Variants in ATXN7L1 observed in about 807,000 individuals in gnomAD.
ATXN7L1 encodes ataxin-7-like protein 1.
In ATXN7L1, 15 loss-of-function variants were observed where a neutral mutation model predicts 70.8. The observed-to-expected ratio is 0.21, with a 90% CI of 0.14 to 0.33. The LOEUF (loss-of-function observed/expected upper bound fraction) is 0.33, where lower values mean the gene tolerates loss of function less well. Among genes scored for constraint, ATXN7L1 ranks in the 10% least tolerant of loss-of-function variants. The pLI, the probability that ATXN7L1 is intolerant of heterozygous loss-of-function variation, is 1.00. For missense variants in ATXN7L1, 975 were observed against 1,097.1 expected (o/e 0.89, Z 1.57); for synonymous variants, 440 against 445.1 (o/e 0.99, Z 0.14).
intron 9 of ATXN7L1, among the ~76,000 whole-genome samples, chr7:105,615,018 A>T (rs1464137166): frequency 6.6e-6 from 1 of 151,892 alleles, no homozygotes; most frequent in Non-Finnish European, 1.5e-5. Context: ...CAGCAACCTA[A>T]TTTTCATCAC....
chr7:105,666,205 A>G (rs549415754), intron 3 of ATXN7L1, among the ~76,000 whole-genome samples: 34 of 152,220 alleles, frequency 2.2e-4, no homozygotes, highest in Non-Finnish European at 4.4e-4. Context: ...AACTTTGTAC[A>G]TGATTACAGG....
At chr7:105,869,214 A>G (rs1817899774) in intron 2 of ATXN7L1, among the ~76,000 whole-genome samples, 2 of 152,156 alleles carry the variant, frequency 1.3e-5, no homozygotes, top group South Asian at 4.1e-4. Context: ...GCCAGATAAG[A>G]GAGATGATAA....
At chr7:105,788,437 C>A in intron 3 of ATXN7L1, 167 bp downstream of exon 3, 1 of 604,908 alleles carries the variant, frequency 1.7e-6, no homozygotes. Context: ...AGAAGGACTA[C>A]AGCTCCTAAA....
chr7:105,692,900 CT>C (rs1445765151), intron 3 of ATXN7L1, among the ~76,000 whole-genome samples: 1 of 151,560 alleles, frequency 6.6e-6, no homozygotes, highest in Non-Finnish European at 1.5e-5. Flanking sequence ...ATTTTTAAAT[CT>C]TTTGTAGACA....
chr7:105,739,677 T>C (rs1350626462), intron 3 of ATXN7L1, among the ~76,000 whole-genome samples: 1 of 152,226 alleles, frequency 6.6e-6, no homozygotes, highest in Non-Finnish European at 1.5e-5. Context: ...CAGAGGTTCA[T>C]GAAACTCAGA....
At chr7:105,786,345 G>T (rs1424538420) in intron 3 of ATXN7L1, among the ~76,000 whole-genome samples, 1 of 152,208 alleles carries the variant, frequency 6.6e-6, no homozygotes, top group Non-Finnish European at 1.5e-5. Context: ...GGAGGCAGGT[G>T]TATCAGCTCT....
intron 2 of ATXN7L1, among the ~76,000 whole-genome samples, chr7:105,802,426 C>T (rs910213912): frequency 4.6e-5 from 7 of 152,046 alleles, no homozygotes; most frequent in Admixed American, 2.0e-4. Context: ...CATAAGGAGC[C>T]GTAAGCCCTG....
intron 3 of ATXN7L1, among the ~76,000 whole-genome samples, chr7:105,765,236 A>T (rs1455029517): frequency 6.6e-6 from 1 of 151,228 alleles, no homozygotes; most frequent in East Asian, 2.0e-4. Context: ...CAGGAGGCTG[A>T]GGCAGGAGAA....
chr7:105,832,824 A>C (rs1390081656), intron 2 of ATXN7L1, among the ~76,000 whole-genome samples: 1 of 152,184 alleles, frequency 6.6e-6, no homozygotes, highest in Non-Finnish European at 1.5e-5. Context: ...GAATCTAAGA[A>C]TCTTCCTTGA....
intron 2 of ATXN7L1, among the ~76,000 whole-genome samples, chr7:105,817,152 C>A (rs982472624): frequency 6.6e-6 from 1 of 152,124 alleles, no homozygotes; most frequent in Admixed American, 6.5e-5. Context: ...TGTTTAGAGT[C>A]CCTAATGAGG....
intron 3 of ATXN7L1, among the ~76,000 whole-genome samples, chr7:105,736,236 G>T (rs555395719): frequency 6.6e-6 from 1 of 152,248 alleles, no homozygotes; most frequent in Admixed American, 6.5e-5. Context: ...AATGCATGAG[G>T]AACAGGGAAG....
intron 11 of ATXN7L1, among the ~76,000 whole-genome samples, chr7:105,609,619 C>G (rs1388838858): frequency 6.6e-6 from 1 of 152,136 alleles, no homozygotes; most frequent in Non-Finnish European, 1.5e-5. Context: ...CATCTGCTGC[C>G]ATGCCTGGCT....
Position 105,823,403 on chromosome 7 carries a change from A to G in ATXN7L1, c.251-34695T>C, listed in dbSNP as rs145894170. Among the ~76,000 whole-genome samples, 335 of 152,326 alleles carry G rather than the reference A, an allele frequency of 2.2e-3. 2 individuals carry two copies. Among genetic ancestry groups the G allele is most frequent in the African/African-American group, 7.7e-3 (322 of 41,570 alleles). On this transcript the variant is annotated intron_variant, in intron 2 of 11. Transcript: ENST00000419735. ...CATATGGGTTCACAGGTGTCTGCAC[A>G]TTGGTTCTTGAATCGTAACAGGCCC...
At chr7:105,620,138 T>C (rs1456104815) in intron 9 of ATXN7L1, 62 bp downstream of exon 9, 2 of 1,534,558 alleles carry the variant, frequency 1.3e-6, no homozygotes, top group Non-Finnish European at 1.8e-6. Context: ...ATTTAGAAAG[T>C]TAAGTTTCAG....
chr7:105,827,611 C>T (rs766380590), intron 2 of ATXN7L1, among the ~76,000 whole-genome samples: 5 of 152,116 alleles, frequency 3.3e-5, no homozygotes, highest in African/African-American at 1.2e-4. Context: ...ATTCGGGTTC[C>T]GCAAGGCCGA....
At chr7:105,841,176 GA>G (rs1813153467) in intron 2 of ATXN7L1, among the ~76,000 whole-genome samples, 1 of 152,212 alleles carries the variant, frequency 6.6e-6, no homozygotes. Flanking sequence ...AACACCATGG[GA>G]GGTCGGGGGG....
Position 105,761,598 on chromosome 7 carries a change from G to T in ATXN7L1, c.355+27006C>A. 3 of 1,107,978 alleles carry T rather than the reference G, an allele frequency of 2.7e-6. No individual in the cohort carries two copies. In the South Asian group the frequency reaches 4.7e-5, roughly 17 times the overall value. The allele number at this position is 1,107,978 out of a possible 1,614,324, so 68.6% of individuals were successfully genotyped here. Reference sequence around the variant, plus strand: ...AATTAAACACTGGTTGCTTAAATGCGTCTTCATGATCTTGTTCTATCAAAA... The same window carrying T: ...AATTAAACACTGGTTGCTTAAATGCTTCTTCATGATCTTGTTCTATCAAAA... On this transcript the variant is annotated intron_variant, in intron 3 of 11. Coordinates refer to ENST00000419735, the MANE Select transcript of ATXN7L1 (RefSeq NM_020725.2).
chr7:105,761,448 T>C (rs1563072460), intron 3 of ATXN7L1: 1 of 1,614,170 alleles, frequency 6.2e-7, no homozygotes, highest in Admixed American at 1.7e-5. Flanking sequence ...ATTTCTCCTG[T>C]TGTCTTGCTT....
At chr7:105,824,963 C>T (rs927681959) in intron 2 of ATXN7L1, among the ~76,000 whole-genome samples, 3 of 151,636 alleles carry the variant, frequency 2.0e-5, no homozygotes, top group African/African-American at 7.3e-5. Context: ...AAAAAAACCT[C>T]CATGGCATAT....
Sources: allele counts gnomAD v4.1 joint callset (sites outside exome capture counted in the v4.1 genomes callset), GRCh38; gene constraint gnomAD v4.1.1; transcripts MANE v1.5; gene names NCBI Gene and HGNC (gene_info 2026-07-23, HGNC 2026-07-21).